UNC5D: variants seen among roughly 807,000 people sequenced by gnomAD.
UNC5D encodes unc-5 netrin receptor D, also known as netrin receptor UNC5D.
A neutral mutation model predicts 105.4 loss-of-function variants in UNC5D; 39 were observed. That is an observed-to-expected ratio of 0.37 (90% CI 0.29 to 0.48). UNC5D has a LOEUF of 0.48. UNC5D is among the 20% of genes least tolerant of loss of function. The pLI, the probability that UNC5D is intolerant of heterozygous loss-of-function variation, is 0.98. For synonymous variants in UNC5D, 452 were observed against 450.4 expected (o/e 1.00, Z -0.04); for missense variants, 991 against 1,202.4 (o/e 0.82, Z 2.60).
intron 7 of UNC5D, among the ~76,000 whole-genome samples, chr8:35,689,780 T>A (rs2131367812): frequency 6.6e-6 from 1 of 152,334 alleles, no homozygotes; most frequent in Middle Eastern, 3.4e-3. Flanking sequence ...CGTCTGCTTT[T>A]TTTTTCAGTC....
rs75468114 is a variant in UNC5D, at chr8:35,662,976, C to T, written c.571-20571C>T. ...GGGATCTAGGTAGCACGCTCCTTAT[C>T]GGAGTCCCATCTATCTAATGCCTGA... On this transcript the variant is annotated intron_variant, in intron 4 of 16. Transcript: ENST00000404895. Among the ~76,000 whole-genome samples the T allele has an allele frequency of 5.9e-3, 904 of 152,302 alleles. 11 individuals carry two copies. The highest frequency in any genetic ancestry group is 0.02 in the African/African-American group (816 of 41,576).
intron 1 of UNC5D, among the ~76,000 whole-genome samples, chr8:35,332,334 C>A (rs1258366375): frequency 6.6e-6 from 1 of 152,178 alleles, no homozygotes; most frequent in Non-Finnish European, 1.5e-5. Flanking sequence ...TTTCAAAGTT[C>A]TTGGTCTAAT....
chr8:35,641,362 AAAGC>A (rs1480008436), intron 4 of UNC5D, among the ~76,000 whole-genome samples: 1 of 148,100 alleles, frequency 6.8e-6, no homozygotes, highest in African/African-American at 2.5e-5. Flanking sequence ...AAAAAAAAAT[AAAGC>A]AAAAAAAAAA....
chr8:35,528,167 G>T, intron 1 of UNC5D, among the ~76,000 whole-genome samples: 1 of 149,918 alleles, frequency 6.7e-6, no homozygotes, highest in East Asian at 2.0e-4. Flanking sequence ...TCTAGCATTA[G>T]GTATATCTCC....
chr8:35,548,161 C>T (rs1456577661), intron 1 of UNC5D, among the ~76,000 whole-genome samples: 1 of 152,140 alleles, frequency 6.6e-6, no homozygotes, highest in East Asian at 1.9e-4. Flanking sequence ...TGACAACACC[C>T]TCACAGACTC....
intron 4 of UNC5D, among the ~76,000 whole-genome samples, chr8:35,667,681 A>C (rs1824517519): frequency 6.6e-6 from 1 of 152,322 alleles, no homozygotes; most frequent in South Asian, 2.1e-4. Context: ...TCCAGGTATT[A>C]ATCTGTGTCT....
intron 1 of UNC5D, among the ~76,000 whole-genome samples, chr8:35,363,303 G>A (rs1187176796): frequency 6.6e-6 from 1 of 152,098 alleles, no homozygotes; most frequent in Non-Finnish European, 1.5e-5. Context: ...GACAGAGAAT[G>A]AAGAGGACGA....
intron 1 of UNC5D, among the ~76,000 whole-genome samples, chr8:35,394,751 C>G (rs1473925425): frequency 6.6e-6 from 1 of 152,048 alleles, no homozygotes; most frequent in Non-Finnish European, 1.5e-5. Context: ...TAGCAGGAAG[C>G]TTAAGGAAAA....
intron 1 of UNC5D, among the ~76,000 whole-genome samples, chr8:35,402,974 G>A (rs1043759159): frequency 2.6e-5 from 4 of 152,060 alleles, no homozygotes; most frequent in Admixed American, 1.3e-4. Context: ...TCATAGACCT[G>A]TTCTTTCTCT....
intron 7 of UNC5D, among the ~76,000 whole-genome samples, chr8:35,692,869 A>G (rs996730237): frequency 6.6e-6 from 1 of 152,218 alleles, no homozygotes; most frequent in African/African-American, 2.4e-5. Flanking sequence ...TCCTAGAAAT[A>G]CTCAATAGCT....
rs1803165332 is a variant in UNC5D at position 35,794,128 on chromosome 8, G to A, written c.*3565G>A. 6.6e-6 allele frequency: 1 copy of A among 152,136 alleles called. No individual in the cohort carries two copies. Among genetic ancestry groups the A allele is most frequent in the Non-Finnish European group, 1.5e-5 (1 of 68,028 alleles). The allele number at this position is 152,136 out of a possible 1,614,324, so 9.4% of individuals were successfully genotyped here. On this transcript the variant is annotated 3_prime_UTR_variant, in exon 17 of 17. Transcript: ENST00000404895. ...TGCCAAACTTCTGGCAAATTTACCT[G>A]TGAATTTCAAAATGTTATAAAATCT... is the stretch of plus-strand genomic sequence containing the variant.
intron 8 of UNC5D, among the ~76,000 whole-genome samples, chr8:35,718,627 A>C (rs1435965618): frequency 6.6e-6 from 1 of 152,204 alleles, no homozygotes; most frequent in Non-Finnish European, 1.5e-5. Context: ...GGCGTTTGAA[A>C]ATTAACAATA....
intron 1 of UNC5D, among the ~76,000 whole-genome samples, chr8:35,264,557 A>G (rs1313742656): frequency 6.6e-6 from 1 of 152,036 alleles, no homozygotes; most frequent in African/African-American, 2.4e-5. Flanking sequence ...GTGAAACCCC[A>G]TCTCTACTAA....
At chr8:35,675,790 A>T (rs1479192135) in intron 4 of UNC5D, among the ~76,000 whole-genome samples, 1 of 151,942 alleles carries the variant, frequency 6.6e-6, no homozygotes, top group Non-Finnish European at 1.5e-5. Context: ...TTTCTAAAGG[A>T]TTAATAACAT....
At chr8:35,292,716 C>CTTTTT (rs35935733) in intron 1 of UNC5D, among the ~76,000 whole-genome samples, 1 of 123,636 alleles carries the variant, frequency 8.1e-6, no homozygotes, top group Non-Finnish European at 1.6e-5. Context: ...CTTTTTTTTC[C>CTTTTT]TTTTTTTTTT....
intron 1 of UNC5D, among the ~76,000 whole-genome samples, chr8:35,432,018 A>G (rs564705115): frequency 6.6e-6 from 1 of 152,320 alleles, no homozygotes; most frequent in South Asian, 2.1e-4. Context: ...TATTGATTTT[A>G]ATTTAAACTT....
chr8:35,774,360 G>T lies in UNC5D; in HGVS notation c.2540G>T (p.Gly847Val), dbSNP rs752857400. ...QEDSTFPAQTGPKAFKIPYSI... is the reference protein window; with the variant it reads ...QEDSTFPAQTVPKAFKIPYSI... ...GACAGCACTTTCCCTGCACAGACTG[G>T]CCCCAAAGCCTTCAAAATTCCCTAC... Residue 847 changes from glycine to valine, a missense_variant, in exon 16 of 17, where the codon GGC (glycine) becomes GTC (valine). Transcript: ENST00000404895. 11 of 1,613,874 alleles carry T rather than the reference G, an allele frequency of 6.8e-6. No homozygotes were observed. The East Asian group carries it at 8.9e-5, about 13-fold the overall frequency.
At chr8:35,667,354 C>T (rs113527492) in intron 4 of UNC5D, among the ~76,000 whole-genome samples, 1,775 of 152,156 alleles carry the variant, frequency 0.012, 46 homozygotes, top group African/African-American at 0.041. Context: ...AGGCTGATGG[C>T]GTGGCCATTT....
intron 1 of UNC5D, among the ~76,000 whole-genome samples, chr8:35,397,604 TTGCTC>T (rs1417810353): frequency 6.6e-6 from 1 of 152,196 alleles, no homozygotes; most frequent in Non-Finnish European, 1.5e-5. Context: ...CAGCTGGTCT[TTGCTC>T]TGTTCCCTCA....
Sources: gnomAD v4.1 joint callset for allele counts (sites outside exome capture counted in the v4.1 genomes callset) on GRCh38, gnomAD v4.1.1 for gene constraint, MANE v1.5 for transcripts, NCBI Gene and HGNC (gene_info 2026-07-23, HGNC 2026-07-21) for gene names.